DMD: variants seen among roughly 807,000 people sequenced by gnomAD.
The protein encoded by DMD is mutant dystrophin.
A neutral mutation model predicts 330.1 loss-of-function variants in DMD; 63 were observed. The observed-to-expected ratio is 0.19, with a 90% CI of 0.16 to 0.24. DMD has a LOEUF of 0.24. Among genes scored for constraint, DMD ranks in the 10% least tolerant of loss-of-function variants. The pLI is 1.00. For synonymous variants in DMD, 1,223 were observed against 959.8 expected, an observed-to-expected ratio of 1.27 and a Z score of -5.07; for missense variants, 3,344 against 2,684.1, an observed-to-expected ratio of 1.25 and a Z score of -5.43.
chrX:33,067,679 A>G (rs1281740655), intron 1 of DMD, among the ~76,000 whole-genome samples: 1 of 110,479 alleles, frequency 9.1e-6, no homozygotes, highest in African/African-American at 3.3e-5. Context: ...CATCTCTACT[A>G]AAAATACAAA....
At chrX:33,035,994 C>G (rs907660247) in intron 1 of DMD, among the ~76,000 whole-genome samples, 6 of 111,706 alleles carry the variant, frequency 5.4e-5, no homozygotes, top group Admixed American at 2.8e-4. Flanking sequence ...ATTAGGAAAT[C>G]AAAATTCAAG....
intron 48 of DMD, among the ~76,000 whole-genome samples, chrX:31,867,940 T>A (rs2149644453): frequency 9.0e-6 from 1 of 111,490 alleles, no homozygotes; most frequent in South Asian, 3.8e-4. Flanking sequence ...TCACAGATAG[T>A]TTTTGGTTTA....
intron 4 of DMD, among the ~76,000 whole-genome samples, chrX:32,837,435 G>T (rs1171763355): frequency 5.4e-5 from 6 of 111,326 alleles, no homozygotes; most frequent in Non-Finnish European, 5.7e-5. Flanking sequence ...ATACCTAGGG[G>T]CTCAGTTCAC....
chrX:32,032,883 C>T (rs965195292), intron 44 of DMD, among the ~76,000 whole-genome samples: 2 of 111,481 alleles, frequency 1.8e-5, no homozygotes, highest in African/African-American at 3.3e-5. Flanking sequence ...GGAAATGGGG[C>T]GACCAGATCT....
chrX:32,045,499 A>G (rs2096058124), intron 44 of DMD, among the ~76,000 whole-genome samples: 1 of 109,788 alleles, frequency 9.1e-6, no homozygotes, highest in African/African-American at 3.3e-5. Flanking sequence ...TTCCTGTACA[A>G]CCTGCAGAAT....
intron 60 of DMD, among the ~76,000 whole-genome samples, chrX:31,433,634 T>A (rs770271132): frequency 1.8e-5 from 2 of 110,187 alleles, no homozygotes; most frequent in South Asian, 7.9e-4. Context: ...TTTTTTTGTA[T>A]TTTTAGTAGA....
chrX:32,145,029 C>T (rs753726683), intron 44 of DMD, among the ~76,000 whole-genome samples: 11 of 111,581 alleles, frequency 9.9e-5, no homozygotes, highest in African/African-American at 2.3e-4. Flanking sequence ...AGTGAAACAC[C>T]GTCTCAATGA....
At chrX:31,265,149 G>A (rs767214776) in intron 62 of DMD, among the ~76,000 whole-genome samples, 20 of 112,098 alleles carry the variant, frequency 1.8e-4, no homozygotes, top group Non-Finnish European at 3.2e-4. Flanking sequence ...GTTCTCTTGC[G>A]ATTTGCAGAG....
intron 7 of DMD, among the ~76,000 whole-genome samples, chrX:32,752,161 A>G (rs989160675): frequency 9.0e-6 from 1 of 111,549 alleles, no homozygotes; most frequent in African/African-American, 3.3e-5. Flanking sequence ...TGTCCTCCAG[A>G]CCCCAGAATG....
chrX:31,618,463 G>A (rs1337144048), intron 55 of DMD, among the ~76,000 whole-genome samples: 4 of 111,690 alleles, frequency 3.6e-5, no homozygotes, highest in Non-Finnish European at 7.5e-5. Context: ...TCAGTTGGGA[G>A]GCAGATGTAG....
intron 12 of DMD, among the ~76,000 whole-genome samples, chrX:32,596,300 G>GA (rs11374896): frequency 0.36 from 34,333 of 96,112 alleles, 4,727 homozygotes; most frequent in South Asian, 0.43. Context: ...CCTCTTCACT[G>GA]AAAAAAAAAA....
intron 48 of DMD, among the ~76,000 whole-genome samples, chrX:31,845,620 C>T (rs1324995467): frequency 9.1e-6 from 1 of 110,464 alleles, no homozygotes; most frequent in East Asian, 2.8e-4. Flanking sequence ...GGTCCGAGTA[C>T]TTATTGAACA....
At position 33,010,363 on chromosome X, in the gene DMD, C is replaced by CATATAT. The variant is rs755223767; in HGVS notation, c.93+9770_93+9775dup. On this transcript the variant is annotated intron_variant, in intron 2 of 78. Transcript: ENST00000357033. ...ACATATATATGTGTGTATGTATATC[C>CATATAT]ATATATATATATATACACATTTTTT... Among the ~76,000 whole-genome samples, 656 of 103,663 alleles carry CATATAT rather than the reference C, an allele frequency of 6.3e-3. 9 individuals are homozygous for CATATAT. The highest frequency in any genetic ancestry group is 0.022 in the African/African-American group (617 of 28,278). 90.0% of individuals were successfully genotyped at this position (103,663 alleles called of 115,157 possible).
At chrX:32,703,930 C>A (rs751334597) in intron 7 of DMD, among the ~76,000 whole-genome samples, 71 of 111,693 alleles carry the variant, frequency 6.4e-4, no homozygotes, top group Non-Finnish European at 1.1e-3. Context: ...CGTAATTTTA[C>A]ACCAAGACTC....
intron 27 of DMD, among the ~76,000 whole-genome samples, chrX:32,441,546 A>C (rs942756421): frequency 1.6e-4 from 18 of 111,832 alleles, no homozygotes; most frequent in African/African-American, 5.2e-4. Context: ...TTCAAAAGAC[A>C]GTAATTTACT....
chrX:32,815,665 T>C (rs2077706968), intron 6 of DMD, among the ~76,000 whole-genome samples: 4 of 108,408 alleles, frequency 3.7e-5, no homozygotes, highest in African/African-American at 1.4e-4. Context: ...TGAACTGTTA[T>C]TAATTCATTT....
intron 11 of DMD, among the ~76,000 whole-genome samples, chrX:32,618,586 T>C (rs1169442041): frequency 1.8e-5 from 2 of 110,682 alleles, no homozygotes; most frequent in Non-Finnish European, 3.8e-5. Context: ...GGTGATGAAA[T>C]AATCTGTACA....
chrX:31,710,420 T>C lies in DMD; in HGVS notation c.7660+19211A>G, dbSNP rs767765166. 3.0e-4 allele frequency among the ~76,000 whole-genome samples: 33 copies of C among 111,137 alleles called. No homozygotes were observed. The South Asian group carries it at 7.7e-3, about 26-fold the overall frequency. On this transcript the variant is annotated intron_variant, in intron 52 of 78. Transcript: ENST00000357033. ...TGTTTTTTGTACCATCTGAGATGAA[T>C]TGTCTGTTTCTCTGTTTCTATTAAT...
At chrX:31,623,560 T>C (rs1401062433) in intron 55 of DMD, among the ~76,000 whole-genome samples, 2 of 112,093 alleles carry the variant, frequency 1.8e-5, no homozygotes, top group Non-Finnish European at 3.8e-5. Context: ...CCACACCCAA[T>C]TTTAATAACA....
Sources: allele counts gnomAD v4.1 joint callset (sites outside exome capture counted in the v4.1 genomes callset), GRCh38; gene constraint gnomAD v4.1.1; transcripts MANE v1.5; gene names NCBI Gene and HGNC (gene_info 2026-07-23, HGNC 2026-07-21).